NUDT16: variants seen among roughly 807,000 people sequenced by gnomAD.
NUDT16 encodes nudix hydrolase 16, also known as U8 snoRNA-decapping enzyme.
NUDT16 carries 12 observed loss-of-function variants against 11.7 expected under a neutral mutation model. That is an observed-to-expected ratio of 1.03 (90% CI 0.66 to 1.67). The LOEUF (loss-of-function observed/expected upper bound fraction) is 1.67, where lower values mean the gene tolerates loss of function less well. Ranked by LOEUF, NUDT16 falls within the 40% of genes most tolerant of loss-of-function variation. NUDT16 has a pLI of 0.00. For synonymous variants in NUDT16, 129 were observed against 122.6 expected (o/e 1.05, Z -0.35); for missense variants, 303 against 268.9 (o/e 1.13, Z -0.89).
At position 131,382,117 on chromosome 3, in the gene NUDT16, G is replaced by A; in HGVS notation, c.210G>A (p.Glu70=). The part of the protein sequence containing the change: ...GFVDTQDRSL[E]DGLNRELREE... ...TGGACACGCAGGACAGAAGCCTAGA[G>A]GACGGGCTGAACCGCGAGCTGCGCG... Residue 70 remains glutamate (E), a synonymous_variant, in exon 2 of 3, where the codon GAG becomes GAA. Transcript: ENST00000521288. The A allele has an allele frequency of 6.2e-7, 1 of 1,609,840 alleles. No individual in the cohort carries two copies. The highest frequency in any genetic ancestry group is 8.5e-7 in the Non-Finnish European group (1 of 1,178,002).
At position 131,381,852 on chromosome 3, in the gene NUDT16, G is replaced by T; in HGVS notation, c.48G>T (p.Gly16=). 2 of 1,599,596 alleles carry T rather than the reference G, an allele frequency of 1.3e-6. No individual in the cohort carries two copies. The highest frequency in any genetic ancestry group is 1.7e-6 in the Non-Finnish European group (2 of 1,177,532). ...RLELGEALAL[G]SGWRHACHAL... ...AGCTAGGCGAGGCCCTGGCGCTGGG[G>T]TCGGGCTGGCGTCATGCGTGCCACG... Residue 16 remains glycine, a synonymous_variant, in exon 1 of 3, where the codon GGG becomes GGT. Transcript: ENST00000521288.
Position 131,381,911 on chromosome 3 carries a change from T to A in NUDT16, c.107T>A (p.Phe36Tyr). ...LLYAPDPGML[F>Y]GRIPLRYAIL... ...TACGCGCCGGACCCTGGGATGCTCT[T>A]CGGCCGCATCCCGCTGCGCTACGCC... Residue 36 changes from phenylalanine (F) to tyrosine (Y), a missense_variant, in exon 1 of 3, where the codon TTC becomes TAC. Physicochemically the swap from Phe to Tyr is conservative, Grantham distance 22 (BLOSUM62 3). Transcript: ENST00000521288. 6.2e-7 allele frequency: 1 copy of A among 1,611,578 alleles called. No homozygotes were observed. The highest frequency in any genetic ancestry group is 8.5e-7 in the Non-Finnish European group (1 of 1,179,506).
chr3:131,382,860 G>A (rs955738697), intron 2 of NUDT16: 3 of 670,456 alleles, frequency 4.5e-6, no homozygotes, highest in Non-Finnish European at 7.0e-6. Context: ...TAATGCTGAT[G>A]CAAATAATCT....
Position 131,383,438 on chromosome 3 carries a change from G to GATGATAC in NUDT16, c.*105_*111dup, listed in dbSNP as rs1559772355. On this transcript the variant is annotated 3_prime_UTR_variant, in exon 3 of 3. Coordinates refer to ENST00000521288, the MANE Select transcript of NUDT16 (RefSeq NM_152395.3). The surrounding 1 kb of genome is among the most constrained non-coding windows in gnomAD (Gnocchi z 4.4). ...GAATGTTTTCTTATTGGATCTGAGA[G>GATGATAC]ATGATACATGATACCAGATGAAAAG... 1.3e-6 allele frequency: 2 copies of GATGATAC among 1,558,298 alleles called. No homozygotes were observed. Among genetic ancestry groups the GATGATAC allele is most frequent in the Admixed American group, 1.9e-5 (1 of 52,782 alleles).
intron 2 of NUDT16, chr3:131,382,769 A>T: frequency 8.1e-7 from 1 of 1,240,574 alleles, no homozygotes; most frequent in Non-Finnish European, 1.1e-6. Context: ...TAAAATAGCG[A>T]TTTCTCTCAG....
In NUDT16 at chr3:131,381,799, C is replaced by A. The variant is rs2097455252; in HGVS notation, c.-6C>A. 1.9e-6 allele frequency: 3 copies of A among 1,546,740 alleles called. No homozygotes were observed. Among genetic ancestry groups the A allele is most frequent in the Admixed American group, 3.9e-5 (2 of 51,878 alleles). ...CTTCGGGACAGCAGAGGAGCAGTGT[C>A]CGGCCATGGCCGGAGCCCGCAGGCT... On this transcript the variant is annotated 5_prime_UTR_variant, in exon 1 of 3. Transcript: ENST00000521288.
chr3:131,382,461 A>T, intron 2 of NUDT16, 146 bp downstream of exon 2: 1 of 1,537,138 alleles, frequency 6.5e-7, no homozygotes, highest in Non-Finnish European at 8.7e-7. Flanking sequence ...TGGGATCGTG[A>T]TCATCTATAC....
rs2097455637 is a variant in NUDT16, at chr3:131,381,983, C to T, written c.138+41C>T. On this transcript the variant is annotated intron_variant, in intron 1 of 2. Coordinates refer to ENST00000521288, the MANE Select transcript of NUDT16 (RefSeq NM_152395.3). ...GCCCGGCCACTTTCTGCCTGAGCCC[C>T]GCACCCTCTCTGGTGGTCTCCTCTG... 4.4e-6 allele frequency: 7 copies of T among 1,596,414 alleles called. No homozygotes were observed. The East Asian group carries it at 1.3e-4, about 31-fold the overall frequency.
chr3:131,382,587 T>C (rs1308872832), intron 2 of NUDT16: 3 of 1,520,948 alleles, frequency 2.0e-6, no homozygotes, highest in Non-Finnish European at 2.6e-6. Flanking sequence ...CTATTGACAG[T>C]GTGATAGATT....
rs543885556 is a variant in NUDT16 at position 131,383,325 on chromosome 3, T to C, written c.572T>C (p.Ile191Thr). 4.3e-6 allele frequency: 7 copies of C among 1,614,084 alleles called. No homozygotes were observed. The highest frequency in any genetic ancestry group is 1.3e-5 in the African/African-American group (1 of 75,032). The change falls in exon 3 of 3, where the codon ATT (isoleucine) becomes ACT (threonine). Residue 191 changes from isoleucine (I) to threonine (T), a missense_variant. Physicochemically the swap from Ile to Thr is moderately conservative, Grantham distance 89. Coordinates refer to ENST00000521288, the MANE Select transcript of NUDT16 (RefSeq NM_152395.3). This position sits in a 1 kb window ranked among gnomAD's most constrained non-coding sequence, Gnocchi z 4.4. ...LQSGSISGLK[I>T]PAHH Reference sequence around the variant, plus strand: ...TCTGGCTCTATTTCAGGCCTTAAGATTCCAGCTCATCACTAGAGGCAGCCC... The same window carrying C: ...TCTGGCTCTATTTCAGGCCTTAAGACTCCAGCTCATCACTAGAGGCAGCCC...
chr3:131,382,982 AAT>A, intron 2 of NUDT16, 178 bp from the exon 3 acceptor site: 2 of 671,816 alleles, frequency 3.0e-6, no homozygotes, highest in South Asian at 2.0e-5. Context: ...AGAGCTAGAT[AAT>A]ATGTTTTGGG....
chr3:131,382,223 G>A lies in NUDT16; in HGVS notation c.316G>A (p.Val106Ile), dbSNP rs746742810. The change falls in exon 2 of 3, where the codon GTT becomes ATT. Residue 106 changes from valine (V) to isoleucine (I), a missense_variant. Transcript: ENST00000521288. The stretch of plus-strand genomic sequence containing the variant: ...CTCCCACGTCGGGTCAGGGCCACGC[G>A]TTGTGGCCCACTTCTATGCCAAGCG... ...RSSHVGSGPR[V>I]VAHFYAKRLT... is the part of the protein sequence containing the mutation. 4 of 1,610,156 alleles carry A rather than the reference G, an allele frequency of 2.5e-6. No individual in the cohort carries two copies. The highest frequency in any genetic ancestry group is 3.4e-6 in the Non-Finnish European group (4 of 1,178,232).
At position 131,382,256 on chromosome 3, in the gene NUDT16, C is replaced by T; in HGVS notation, c.349C>T (p.Leu117Phe). 1 of 1,612,228 alleles carries T rather than the reference C, an allele frequency of 6.2e-7. No homozygotes were observed. Among genetic ancestry groups the T allele is most frequent in the Non-Finnish European group, 8.5e-7 (1 of 1,179,542 alleles). Residue 117 changes from leucine (L) to phenylalanine (F), a missense_variant, in exon 2 of 3, where the codon CTC becomes TTC. Leu to Phe is a conservative substitution (Grantham distance 22). Coordinates refer to ENST00000521288, the MANE Select transcript of NUDT16 (RefSeq NM_152395.3). The part of the protein sequence containing the change: ...VAHFYAKRLT[L>F]EELLAVEAGA... ...CCACTTCTATGCCAAGCGTCTGACG[C>T]TCGAGGAGCTGTTGGCTGTGGAGGC...
Position 131,388,246 on chromosome 3 carries a change from C to G in NUDT16, c.*4905C>G, listed in dbSNP as rs2097461165. 6.6e-6 allele frequency: 1 copy of G among 152,050 alleles called. No individual in the cohort carries two copies. The highest frequency in any genetic ancestry group is 2.4e-5 in the African/African-American group (1 of 41,364). The allele number at this position is 152,050 out of a possible 1,614,324, so 9.4% of individuals were successfully genotyped here. A position where few individuals can be genotyped will look rare whatever the true frequency, so the allele number is the denominator to read the frequency against. On this transcript the variant is annotated 3_prime_UTR_variant, in exon 3 of 3. Coordinates refer to ENST00000521288, the MANE Select transcript of NUDT16 (RefSeq NM_152395.3). ...AAAAGTGCAAAACAAGGAAAATGGC[C>G]AAAGAGAATATCATAGATACAGAGA...
At chr3:131,382,551 A>G in intron 2 of NUDT16, 1 of 1,535,448 alleles carries the variant, frequency 6.5e-7, no homozygotes, top group Non-Finnish European at 8.7e-7. Context: ...TCTAGAACAC[A>G]CTCATCCATG....
At chr3:131,382,569 G>A (rs1436325972) in intron 2 of NUDT16, 2 of 1,533,776 alleles carry the variant, frequency 1.3e-6, no homozygotes, top group African/African-American at 2.7e-5. Flanking sequence ...ATGTCTCTCT[G>A]CTGTTCCCTA....
Position 131,382,679 on chromosome 3 carries a change from C to T in NUDT16, c.408+364C>T, listed in dbSNP as rs1470718340. 3 of 1,440,002 alleles carry T rather than the reference C, an allele frequency of 2.1e-6. No homozygotes were observed. The African/African-American group carries it at 4.3e-5, about 21-fold the overall frequency. 89.2% of individuals were successfully genotyped at this position (1,440,002 alleles called of 1,614,324 possible). On this transcript the variant is annotated intron_variant, in intron 2 of 2. Coordinates refer to ENST00000521288, the MANE Select transcript of NUDT16 (RefSeq NM_152395.3). Reference sequence around the variant, plus strand: ...TGTAGGAGATGTGGCCCTGATATTTCAGGCAGGGCTAGTAGATAGATTATG... The same window carrying T: ...TGTAGGAGATGTGGCCCTGATATTTTAGGCAGGGCTAGTAGATAGATTATG...
Position 131,382,281 on chromosome 3 carries a change from C to T in NUDT16, c.374C>T (p.Ala125Val). ...CTCGAGGAGCTGTTGGCTGTGGAGG[C>T]CGGCGCAACACGCGCCAAGGACCAC... Reference protein sequence around the residue: ...LTLEELLAVEAGATRAKDHGL... With the variant: ...LTLEELLAVEVGATRAKDHGL... The change falls in exon 2 of 3, where the codon GCC becomes GTC. Residue 125 changes from alanine to valine, a missense_variant. Coordinates refer to ENST00000521288, the MANE Select transcript of NUDT16 (RefSeq NM_152395.3). 1.2e-6 allele frequency: 2 copies of T among 1,612,788 alleles called. No homozygotes were observed. The highest frequency in any genetic ancestry group is 1.7e-4 in the Middle Eastern group (1 of 6,008).
In NUDT16 at chr3:131,387,067, A is replaced by G. The variant is rs950420872; in HGVS notation, c.*3726A>G. On this transcript the variant is annotated 3_prime_UTR_variant, in exon 3 of 3. Transcript: ENST00000521288. The stretch of plus-strand genomic sequence containing the variant: ...ATTAGATGGCATCAGAATTTGAACC[A>G]AAGTAAAAGATGCTGGACCTTGGCA... 8.5e-5 allele frequency: 13 copies of G among 152,376 alleles called. No individual in the cohort carries two copies. The East Asian group carries it at 2.5e-3, about 29-fold the overall frequency. The allele number at this position is 152,376 out of a possible 1,614,324, so 9.4% of individuals were successfully genotyped here.
Sources: allele counts gnomAD v4.1 joint callset, GRCh38; gene constraint gnomAD v4.1.1; non-coding constraint Gnocchi (gnomAD v3.1); transcripts MANE v1.5; gene names NCBI Gene and HGNC (gene_info 2026-07-23, HGNC 2026-07-21).